The following CDC6 variants were observed in gnomAD, a reference collection of about 807,000 sequenced individuals.
The protein encoded by CDC6 is DNA replication factor CDC6.
Under a neutral mutation model 60.2 loss-of-function variants are expected in CDC6, and 46 were observed. That is an observed-to-expected ratio of 0.76 (90% CI 0.60 to 0.98). The LOEUF (loss-of-function observed/expected upper bound fraction) is 0.98, where lower values mean the gene tolerates loss of function less well. CDC6 is among the 50% of genes least tolerant of loss of function. The pLI, the probability that CDC6 is intolerant of heterozygous loss-of-function variation, is 0.00. For synonymous variants in CDC6, 210 were observed against 233.2 expected (o/e 0.90, Z 0.90); for missense variants, 596 against 652.9 (o/e 0.91, Z 0.95).
chr17:40,290,856 A>G (rs1177921498), intron 2 of CDC6, among the ~76,000 whole-genome samples: 1 of 152,128 alleles, frequency 6.6e-6, no homozygotes, highest in Non-Finnish European at 1.5e-5. Flanking sequence ...GGGTAACTAG[A>G]ACGGTGGATG....
chr17:40,302,062 A>G lies in CDC6; in HGVS notation c.*61A>G, dbSNP rs2032948556. ...TGGCATTTAGAGAGCTACAGTCTTC[A>G]TTTTAGTGCTTTACACATTCGGGCC... On this transcript the variant is annotated 3_prime_UTR_variant, in exon 12 of 12. Coordinates refer to ENST00000209728, the MANE Select transcript of CDC6 (RefSeq NM_001254.4). 2.1e-6 allele frequency: 2 copies of G among 961,736 alleles called. No homozygotes were observed. Among genetic ancestry groups the G allele is most frequent in the Non-Finnish European group, 3.4e-6 (2 of 584,302 alleles). The allele number at this position is 961,736 out of a possible 1,614,324, so 59.6% of individuals were successfully genotyped here.
At chr17:40,301,141 G>C (rs779657375) in intron 10 of CDC6, 111 bp downstream of exon 10, 163 of 817,256 alleles carry the variant, frequency 2.0e-4, no homozygotes, top group Middle Eastern at 3.4e-4. Context: ...ATTTAAAATG[G>C]ATTTTAACAG....
Position 40,296,734 on chromosome 17 carries a change from A to G in CDC6, c.1216A>G (p.Lys406Glu). ...RAIEIVESDV[K>E]SQTILKPLSE... Reference sequence around the variant, plus strand: ...TATTGAAATTGTAGAGTCAGATGTCAAAAGCCAGACTATTCTCAAACCACT... The same window carrying G: ...TATTGAAATTGTAGAGTCAGATGTCGAAAGCCAGACTATTCTCAAACCACT... The change falls in exon 9 of 12, where the codon AAA becomes GAA. Residue 406 changes from lysine to glutamate, a missense_variant. Lys to Glu is a moderately conservative substitution (Grantham distance 56). Transcript: ENST00000209728. 1 of 1,607,622 alleles carries G rather than the reference A, an allele frequency of 6.2e-7. No individual in the cohort carries two copies. The highest frequency in any genetic ancestry group is 8.5e-7 in the Non-Finnish European group (1 of 1,174,076).
chr17:40,294,366 A>G lies in CDC6; in HGVS notation c.946A>G (p.Ile316Val), dbSNP rs377241385. Residue 316 changes from isoleucine to valine, a missense_variant and splice_region_variant, in exon 7 of 12, where the codon ATT becomes GTT. Physicochemically the swap from Ile to Val is conservative, Grantham distance 29. Coordinates refer to ENST00000209728, the MANE Select transcript of CDC6 (RefSeq NM_001254.4). ...AATGTTGTTGATCTCCTCCTTAGGT[A>G]TTGCTAATACCCTGGATCTCACAGA... is the stretch of plus-strand genomic sequence containing the variant. ...LSNSHLVLIGIANTLDLTDRI... is the reference protein window; with the variant it reads ...LSNSHLVLIGVANTLDLTDRI... 106 of 1,603,880 alleles carry G rather than the reference A, an allele frequency of 6.6e-5. No homozygotes were observed. Among genetic ancestry groups the G allele is most frequent in the Non-Finnish European group, 9.0e-5 (105 of 1,171,068 alleles).
intron 9 of CDC6, among the ~76,000 whole-genome samples, chr17:40,297,782 TAAG>T (rs1032495200): frequency 3.9e-5 from 6 of 152,092 alleles, no homozygotes; most frequent in African/African-American, 1.2e-4. Flanking sequence ...AGAATAATAA[TAAG>T]AAGAATTATA....
rs2032819891 is a variant in CDC6 at position 40,294,070 on chromosome 17, T to A, written c.943+14T>A. Reference sequence around the variant, plus strand: ...TGGTGCTGATTGGTTAGTGCTCAATTGTTAATGTTACATGGTGGTTCTAAA... The same window carrying A: ...TGGTGCTGATTGGTTAGTGCTCAATAGTTAATGTTACATGGTGGTTCTAAA... On this transcript the variant is annotated intron_variant, in intron 6 of 11. Coordinates refer to ENST00000209728, the MANE Select transcript of CDC6 (RefSeq NM_001254.4). The A allele has an allele frequency of 6.5e-7, 1 of 1,531,300 alleles. No homozygotes were observed. The highest frequency in any genetic ancestry group is 1.4e-5 in the African/African-American group (1 of 73,244). The allele number at this position is 1,531,300 out of a possible 1,614,324, so 94.9% of individuals were successfully genotyped here. A position where few individuals can be genotyped will look rare whatever the true frequency, so the allele number is the denominator to read the frequency against.
intron 11 of CDC6, 100 bp from the exon 12 acceptor site, chr17:40,301,812 C>T: frequency 9.3e-6 from 9 of 971,580 alleles, no homozygotes; most frequent in Non-Finnish European, 1.5e-5. Flanking sequence ...AACTTGCTTG[C>T]CTTTTGTGAG....
At chr17:40,296,568 C>T (rs761030569) in intron 8 of CDC6, 135 bp from the exon 9 acceptor site, 23 of 666,134 alleles carry the variant, frequency 3.5e-5, no homozygotes, top group Non-Finnish European at 6.4e-5. Context: ...TAGGCTAAAC[C>T]ATGTTAGCCT....
Position 40,302,105 on chromosome 17 carries a change from T to C in CDC6, c.*104T>C. On this transcript the variant is annotated 3_prime_UTR_variant, in exon 12 of 12. Coordinates refer to ENST00000209728, the MANE Select transcript of CDC6 (RefSeq NM_001254.4). Reference sequence around the variant, plus strand: ...TTCGGGCCTGAAAACAAATATGACCTTTTTTACTTGAAGCCAATGAATTTT... The same window carrying C: ...TTCGGGCCTGAAAACAAATATGACCCTTTTTACTTGAAGCCAATGAATTTT... The C allele has an allele frequency of 1.3e-6, 1 of 773,134 alleles. No homozygotes were observed. The highest frequency in any genetic ancestry group is 1.8e-5 in the Admixed American group (1 of 55,440). The allele number at this position is 773,134 out of a possible 1,614,324, so 47.9% of individuals were successfully genotyped here.
chr17:40,291,018 A>G (rs760601836), intron 2 of CDC6, 40 bp from the exon 3 acceptor site: 6 of 1,603,984 alleles, frequency 3.7e-6, no homozygotes, highest in Middle Eastern at 1.6e-4. Flanking sequence ...TTACTATCCA[A>G]TGCTATGAGT....
Position 40,289,568 on chromosome 17 carries a change from G to A in CDC6, c.148G>A (p.Ala50Thr), listed in dbSNP as rs1225171914. Reference protein sequence around the residue: ...QTVTCSPRVKALPLSPRKRLG... With the variant: ...QTVTCSPRVKTLPLSPRKRLG... ...CGTAACCTGTTCTCCTCGTGTAAAA[G>A]CCCTGCCTCTCAGCCCCAGGAAACG... The change falls in exon 2 of 12, where the codon GCC (alanine) becomes ACC (threonine). Residue 50 changes from alanine (A) to threonine (T), a missense_variant. Ala to Thr is a moderately conservative substitution (Grantham distance 58, BLOSUM62 0). Coordinates refer to ENST00000209728, the MANE Select transcript of CDC6 (RefSeq NM_001254.4). 1 of 1,613,936 alleles carries A rather than the reference G, an allele frequency of 6.2e-7. No homozygotes were observed. Among genetic ancestry groups the A allele is most frequent in the Non-Finnish European group, 8.5e-7 (1 of 1,179,970 alleles).
At chr17:40,294,609 G>T in intron 7 of CDC6, 106 bp downstream of exon 7, 2 of 1,032,230 alleles carry the variant, frequency 1.9e-6, no homozygotes, top group South Asian at 2.5e-5. Flanking sequence ...TTTATTAATG[G>T]AGCAAGGAGT....
rs773159332 is a variant in CDC6 at position 40,293,445 on chromosome 17, T to C, written c.661-11T>C. 1 of 1,613,346 alleles carries C rather than the reference T, an allele frequency of 6.2e-7. No individual in the cohort carries two copies. Among genetic ancestry groups the C allele is most frequent in the Non-Finnish European group, 8.5e-7 (1 of 1,179,270 alleles). The stretch of plus-strand genomic sequence containing the variant: ...CCAAAATAACTCCCATATTTGCATT[T>C]TTTTTTCCAGAAGGAACTGAAAGGC... On this transcript the variant is annotated splice_polypyrimidine_tract_variant and intron_variant, in intron 4 of 11. Transcript: ENST00000209728.
chr17:40,293,513 C>G lies in CDC6; in HGVS notation c.718C>G (p.Gln240Glu), dbSNP rs1235186305. Residue 240 changes from glutamine (Q) to glutamate (E), a missense_variant, in exon 5 of 12, where the codon CAG (glutamine) becomes GAG (glutamate). Physicochemically the swap from Gln to Glu is conservative, Grantham distance 29. Transcript: ENST00000209728. ...MLNCMSLRTAQAVFPAIAQEI... is the reference protein window; with the variant it reads ...MLNCMSLRTAEAVFPAIAQEI... ...GAATTGCATGTCCTTGAGGACTGCC[C>G]AGGCTGTATTCCCAGCTATTGCTCA... 6.2e-7 allele frequency: 1 copy of G among 1,613,664 alleles called. No homozygotes were observed. The highest frequency in any genetic ancestry group is 1.3e-5 in the African/African-American group (1 of 74,878).
intron 9 of CDC6, among the ~76,000 whole-genome samples, chr17:40,299,138 C>CTTTTTTTTTTTTTTTTTTTTTTTTT (rs67162965): frequency 3.3e-5 from 2 of 60,780 alleles, no homozygotes; most frequent in Admixed American, 1.7e-4. Flanking sequence ...AGGCCATAGT[C>CTTTTTTTTTTTTTTTTTTTTTTTTT]TTTTTTTTTT....
intron 9 of CDC6, among the ~76,000 whole-genome samples, chr17:40,299,902 T>C (rs1256636673): frequency 1.3e-5 from 2 of 152,286 alleles, no homozygotes; most frequent in East Asian, 3.9e-4. Flanking sequence ...GGCAGCGACT[T>C]CACTCTCCAC....
intron 9 of CDC6, among the ~76,000 whole-genome samples, chr17:40,297,317 T>C (rs2032872660): frequency 6.6e-6 from 1 of 152,118 alleles, no homozygotes. Context: ...TATGAGTTCA[T>C]ATCCTTTTTA....
chr17:40,293,508 C>A lies in CDC6; in HGVS notation c.713C>A (p.Thr238Asn), dbSNP rs1305481262. Reference sequence around the variant, plus strand: ...ATGCTGAATTGCATGTCCTTGAGGACTGCCCAGGCTGTATTCCCAGCTATT... The same window carrying A: ...ATGCTGAATTGCATGTCCTTGAGGAATGCCCAGGCTGTATTCCCAGCTATT... ...TIMLNCMSLR[T>N]AQAVFPAIAQ... Residue 238 changes from threonine to asparagine, a missense_variant, in exon 5 of 12, where the codon ACT becomes AAT. Physicochemically the swap from Thr to Asn is moderately conservative, Grantham distance 65 (BLOSUM62 0). Coordinates refer to ENST00000209728, the MANE Select transcript of CDC6 (RefSeq NM_001254.4). 3 of 1,613,810 alleles carry A rather than the reference C, an allele frequency of 1.9e-6. No individual in the cohort carries two copies. Among genetic ancestry groups the A allele is most frequent in the African/African-American group, 1.3e-5 (1 of 74,914 alleles).
rs1047701855 is a variant in CDC6, at chr17:40,293,889, A to G, written c.837-61A>G. ...TAGGAAAGTGACCTGAAGTCAGCCT[A>G]TATCAAACATTAGAGGGTTAAGAAG... On this transcript the variant is annotated intron_variant, in intron 5 of 11. Transcript: ENST00000209728. The G allele has an allele frequency of 4.3e-5, 59 of 1,377,836 alleles. No homozygotes were observed. In the African/African-American group the frequency reaches 8.2e-4, roughly 19 times the overall value. 85.4% of individuals were successfully genotyped at this position (1,377,836 alleles called of 1,614,324 possible). A position where few individuals can be genotyped will look rare whatever the true frequency, so the allele number is the denominator to read the frequency against.
Sources: allele counts gnomAD v4.1 joint callset (sites outside exome capture counted in the v4.1 genomes callset), GRCh38; gene constraint gnomAD v4.1.1; transcripts MANE v1.5; gene names NCBI Gene and HGNC (gene_info 2026-07-23, HGNC 2026-07-21).